Variants in PIK3R3 observed in about 807,000 individuals in gnomAD.
The protein encoded by PIK3R3 is phosphoinositide-3-kinase regulatory subunit 3.
Under a neutral mutation model 62.9 loss-of-function variants are expected in PIK3R3, and 64 were observed. That is an observed-to-expected ratio of 1.02 (90% confidence interval 0.83 to 1.25). The LOEUF (loss-of-function observed/expected upper bound fraction) is 1.25, where lower values mean the gene tolerates loss of function less well. Among genes scored for constraint, PIK3R3 ranks in the 50% most tolerant of loss-of-function variants. The pLI, the probability that PIK3R3 is intolerant of heterozygous loss-of-function variation, is 0.00. For missense variants in PIK3R3, 614 were observed against 561.6 expected (o/e 1.09, Z -0.94); for synonymous variants, 165 against 189.0 (o/e 0.87, Z 1.04).
chr1:46,117,343 G>T (rs1654276587), intron 1 of PIK3R3, among the ~76,000 whole-genome samples: 1 of 152,108 alleles, frequency 6.6e-6, no homozygotes, highest in Non-Finnish European at 1.5e-5. Context: ...TGGGGCAGGA[G>T]GATCACTTGA....
chr1:46,161,460 T>C, the PIK3R3 span, among the ~76,000 whole-genome samples: 1 of 152,104 alleles, frequency 6.6e-6, no homozygotes, highest in Non-Finnish European at 1.5e-5. Context: ...AATATCAGGG[T>C]GATGGCATGT....
the PIK3R3 span, among the ~76,000 whole-genome samples, chr1:46,143,260 G>A: frequency 2.0e-5 from 3 of 152,214 alleles, no homozygotes; most frequent in Non-Finnish European, 4.4e-5. Context: ...CTAAAGGTGT[G>A]AGTGGATCAA....
At chr1:46,132,657 A>T, upstream of PIK3R3, 2 of 1,289,764 alleles carry the variant, frequency 1.6e-6, no homozygotes, top group Non-Finnish European at 2.0e-6. Context: ...GTTTCATTTT[A>T]ACGGCGCGGA....
intron 5 of PIK3R3, among the ~76,000 whole-genome samples, chr1:46,064,306 C>T (rs139785058): frequency 1.2e-3 from 187 of 151,946 alleles, no homozygotes; most frequent in South Asian, 5.4e-3. Flanking sequence ...TTTGGGAGGC[C>T]GAGATGGGCG....
intron 1 of PIK3R3, among the ~76,000 whole-genome samples, chr1:46,111,035 G>A (rs1422347275): frequency 2.0e-5 from 3 of 151,978 alleles, no homozygotes; most frequent in Non-Finnish European, 4.4e-5. Flanking sequence ...AGTAAGATAC[G>A]TAGCTGCCTC....
chr1:46,061,695 G>C (rs1367687622), intron 6 of PIK3R3, among the ~76,000 whole-genome samples: 1 of 152,150 alleles, frequency 6.6e-6, no homozygotes, highest in Non-Finnish European at 1.5e-5. Flanking sequence ...TTCTAGAAAA[G>C]ATGATATCTA....
intron 1 of PIK3R3, among the ~76,000 whole-genome samples, chr1:46,082,232 C>T (rs1198892490): frequency 6.6e-6 from 1 of 152,174 alleles, no homozygotes; most frequent in Admixed American, 6.5e-5. Flanking sequence ...CTGTGACATT[C>T]CTGCCAAATA....
rs942496337 is a variant in PIK3R3, at chr1:46,040,396, A to C, written c.*3277T>G. ...TCTTGTGAGTCAGATATTTTTACGT[A>C]AACTACACGAATTTTCTTGGACACA... On this transcript the variant is annotated 3_prime_UTR_variant, in exon 10 of 10. Coordinates refer to ENST00000262741, the MANE Select transcript of PIK3R3 (RefSeq NM_003629.4). The C allele has an allele frequency of 4.8e-5, 11 of 231,000 alleles. No individual in the cohort carries two copies. Among genetic ancestry groups the C allele is most frequent in the Non-Finnish European group, 8.6e-5 (10 of 116,532 alleles). The allele number at this position is 231,000 out of a possible 1,614,324, so 14.3% of individuals were successfully genotyped here.
intron 3 of PIK3R3, among the ~76,000 whole-genome samples, chr1:46,070,607 T>C (rs1649394508): frequency 6.6e-6 from 1 of 152,210 alleles, no homozygotes; most frequent in African/African-American, 2.4e-5. Context: ...GTGGTCATAA[T>C]TAATGTGAAA....
upstream of PIK3R3, chr1:46,132,653 T>A: frequency 7.8e-7 from 1 of 1,289,654 alleles, no homozygotes; most frequent in South Asian, 1.2e-5. Context: ...TAGAGTTTCA[T>A]TTTAACGGCG....
Position 46,046,016 on chromosome 1 carries a change from G to C in PIK3R3, c.1089C>G (p.Ile363Met). ...GCAAGTCCTCTGCTTGTACTCGATT[G>C]ATATCCTCAACAAACCAGGTTTTCT... is the stretch of plus-strand genomic sequence containing the variant. ...YDEKTWFVED[I>M]NRVQAEDLLY... Residue 363 changes from isoleucine (I) to methionine (M), a missense_variant, in exon 9 of 10, where the codon ATC becomes ATG. By Grantham distance (10) the Ile-to-Met change is conservative (BLOSUM62 1). Coordinates refer to ENST00000262741, the MANE Select transcript of PIK3R3 (RefSeq NM_003629.4). 1 of 1,611,912 alleles carries C rather than the reference G, an allele frequency of 6.2e-7. No individual in the cohort carries two copies. Among genetic ancestry groups the C allele is most frequent in the Non-Finnish European group, 8.5e-7 (1 of 1,178,258 alleles).
At chr1:46,102,169 T>G (rs1480475861) in intron 1 of PIK3R3, among the ~76,000 whole-genome samples, 1 of 151,862 alleles carries the variant, frequency 6.6e-6, no homozygotes, top group African/African-American at 2.4e-5. Context: ...GTATTTTTAG[T>G]AGAGACGGGG....
intron 1 of PIK3R3, 86 bp from the exon 2 acceptor site, chr1:46,080,836 T>TGTTA: frequency 1.3e-6 from 1 of 782,980 alleles, no homozygotes; most frequent in Admixed American, 2.1e-5. Flanking sequence ...AACCAAGGTA[T>TGTTA]GTTAAGATTC....
intron 1 of PIK3R3, among the ~76,000 whole-genome samples, 191 bp from the exon 2 acceptor site, chr1:46,080,941 ATTTG>A (rs965853042): frequency 2.8e-4 from 43 of 152,300 alleles, no homozygotes; most frequent in African/African-American, 8.2e-4. Context: ...ACGTCAAGAT[ATTTG>A]TTTTTTTCCT....
Position 46,040,498 on chromosome 1 carries a change from G to C in PIK3R3, c.*3175C>G, listed in dbSNP as rs1317698569. On this transcript the variant is annotated 3_prime_UTR_variant, in exon 10 of 10. Coordinates refer to ENST00000262741, the MANE Select transcript of PIK3R3 (RefSeq NM_003629.4). ...CTGGAATTTGTAAGGAAACGAGGTT[G>C]TTTGCCACAAGTGGCTGGAGCTAAA... 1 of 229,392 alleles carries C rather than the reference G, an allele frequency of 4.4e-6. No homozygotes were observed. Among genetic ancestry groups the C allele is most frequent in the Admixed American group, 5.7e-5 (1 of 17,662 alleles). 14.2% of individuals were successfully genotyped at this position (229,392 alleles called of 1,614,324 possible). A position where few individuals can be genotyped will look rare whatever the true frequency, so the allele number is the denominator to read the frequency against.
chr1:46,126,706 C>T (rs1268731490), intron 1 of PIK3R3, among the ~76,000 whole-genome samples: 1 of 151,430 alleles, frequency 6.6e-6, no homozygotes, highest in African/African-American at 2.4e-5. Flanking sequence ...GATGCTGAGG[C>T]AGAAGGATCA....
chr1:46,104,841 G>A, intron 1 of PIK3R3: 1 of 407,694 alleles, frequency 2.5e-6, no homozygotes, highest in Non-Finnish European at 4.4e-6. Context: ...CTAAGGCAGG[G>A]AACTTGAACC....
At chr1:46,133,102 C>A, upstream of PIK3R3, 1 of 936,062 alleles carries the variant, frequency 1.1e-6, no homozygotes, top group Non-Finnish European at 1.3e-6. Flanking sequence ...GACGGCTGCG[C>A]GCCCCAAGCG....
chr1:46,101,020 A>G (rs976993807), intron 1 of PIK3R3, among the ~76,000 whole-genome samples: 21 of 151,872 alleles, frequency 1.4e-4, no homozygotes, highest in African/African-American at 4.8e-4. Flanking sequence ...CTAAAAATAC[A>G]AAAATTAGCT....
Sources: allele counts gnomAD v4.1 joint callset (sites outside exome capture counted in the v4.1 genomes callset), GRCh38; gene constraint gnomAD v4.1.1; transcripts MANE v1.5; gene names NCBI Gene and HGNC (gene_info 2026-07-23, HGNC 2026-07-21).